GIP: variants seen among roughly 807,000 people sequenced by gnomAD.
GIP encodes gastric inhibitory polypeptide.
In GIP, 16 loss-of-function variants were observed where a neutral mutation model predicts 18.1. That is an observed-to-expected ratio of 0.88 (90% confidence interval 0.60 to 1.34). GIP has a LOEUF of 1.34. GIP is among the 40% of genes most tolerant of loss of function. The probability of loss-of-function intolerance (pLI) is 0.00; values close to 1 mark genes in which losing one functional copy is unlikely to be tolerated. For missense variants in GIP, 192 were observed against 183.4 expected (o/e 1.05, Z -0.27); for synonymous variants, 76 against 74.0 (o/e 1.03, Z -0.14).
At chr17:48,962,223 C>T (rs2041204291) in intron 3 of GIP, among the ~76,000 whole-genome samples, 1 of 152,102 alleles carries the variant, frequency 6.6e-6, no homozygotes, top group Non-Finnish European at 1.5e-5. Flanking sequence ...GCAGGCATCA[C>T]CACACCCAGC....
chr17:48,961,792 C>CTCCCACATCA lies in GIP; in HGVS notation c.284_285insTGATGTGGGA (p.Glu95AspfsTer15), dbSNP rs1352444013. On this transcript the variant is annotated frameshift_variant, in exon 4 of 6. Coordinates refer to ENST00000357424, the MANE Select transcript of GIP (RefSeq NM_004123.3). LOFTEE classifies it high-confidence loss of function. ...GACTGGCCAGCTCCAGCGCCCGAGC[C>CTCCCACATCA]TCCCTCTGGGTGATGTTGTGTTTCC... 1.2e-6 allele frequency: 2 copies of CTCCCACATCA among 1,613,070 alleles called. No homozygotes were observed.
rs760192622 is a variant in GIP, at chr17:48,964,419, G to C, written c.148C>G (p.Pro50Ala). Residue 50 changes from proline (P) to alanine (A), a missense_variant, in exon 3 of 6, where the codon CCC becomes GCC. Physicochemically the swap from Pro to Ala is conservative, Grantham distance 27. Coordinates refer to ENST00000357424, the MANE Select transcript of GIP (RefSeq NM_004123.3). Reference sequence around the variant, plus strand: ...ATGAAAGTCCCTTCCGCGTACCTGGGGCCTCGAGGTTGAGGGCTGCTCACC... The same window carrying C: ...ATGAAAGTCCCTTCCGCGTACCTGGCGCCTCGAGGTTGAGGGCTGCTCACC... ...AKVSSPQPRGPRYAEGTFISD... is the reference protein window; with the variant it reads ...AKVSSPQPRGARYAEGTFISD... 2.4e-5 allele frequency: 39 copies of C among 1,613,844 alleles called. No homozygotes were observed. The highest frequency in any genetic ancestry group is 3.1e-5 in the Non-Finnish European group (36 of 1,179,898).
At chr17:48,961,089 G>T in intron 4 of GIP, 102 bp from the exon 5 acceptor site, 1 of 692,460 alleles carries the variant, frequency 1.4e-6, no homozygotes, top group Non-Finnish European at 2.4e-6. Flanking sequence ...CGCGGATGGG[G>T]GGAGGGAGCC....
intron 3 of GIP, among the ~76,000 whole-genome samples, chr17:48,962,948 T>G (rs1283069829): frequency 4.7e-5 from 7 of 149,830 alleles, no homozygotes; most frequent in Non-Finnish European, 1.0e-4. Flanking sequence ...ACTAAAAAAA[T>G]GCAAAAAAAT....
intron 1 of GIP, 100 bp from the exon 2 acceptor site, chr17:48,967,353 C>A: frequency 1.5e-6 from 1 of 663,542 alleles, no homozygotes; most frequent in Non-Finnish European, 2.5e-6. Flanking sequence ...CTTTCTTTTC[C>A]TTTTTCTTTT....
At chr17:48,959,117 G>A (rs1005939495) in intron 5 of GIP, among the ~76,000 whole-genome samples, 1 of 151,956 alleles carries the variant, frequency 6.6e-6, no homozygotes, top group African/African-American at 2.4e-5. Flanking sequence ...GCCTCCCAAA[G>A]TCCTGGGATT....
At chr17:48,967,359 CTTT>C (rs369779985) in intron 1 of GIP, 106 bp from the exon 2 acceptor site, 1,829 of 499,740 alleles carry the variant, frequency 3.7e-3, no homozygotes, top group East Asian at 6.1e-3. Flanking sequence ...TTTCCTTTTT[CTTT>C]TTTTTTTTTT....
rs9909375 is a variant in GIP at position 48,960,392 on chromosome 17, T to G, written c.452+494A>C. The stretch of plus-strand genomic sequence containing the variant: ...GCGGGACACAGGATGGGCTCAGCTC[T>G]GTGTGTAGGGACAGGCAGGCCACAG... On this transcript the variant is annotated intron_variant, in intron 5 of 5. Transcript: ENST00000357424. Among the ~76,000 whole-genome samples, 78 of 29,058 alleles carry G rather than the reference T, an allele frequency of 2.7e-3. 2 individuals are homozygous for G. The highest frequency in any genetic ancestry group is 4.5e-3 in the South Asian group (2 of 448). The allele number at this position is 29,058 out of a possible 152,430, so 19.1% of individuals were successfully genotyped here. A position where few individuals can be genotyped will look rare whatever the true frequency, so the allele number is the denominator to read the frequency against.
At position 48,967,166 on chromosome 17, in the gene GIP, T is replaced by C; in HGVS notation, c.67A>G (p.Lys23Glu). 2 of 1,613,262 alleles carry C rather than the reference T, an allele frequency of 1.2e-6. No homozygotes were observed. The highest frequency in any genetic ancestry group is 1.1e-5 in the South Asian group (1 of 91,042). The change falls in exon 2 of 6, where the codon AAG becomes GAG. Residue 23 changes from lysine to glutamate, a missense_variant. Coordinates refer to ENST00000357424, the MANE Select transcript of GIP (RefSeq NM_004123.3). ...TCCTACCTGAAGTGACCCTCTTTCT[T>C]CTCTCCTAGTCCCACTGCCAGGAAC... ...SLFLAVGLGE[K>E]KEGHFSALPS...
Position 48,958,604 on chromosome 17 carries a change from C to A in GIP, c.*103G>T. The A allele has an allele frequency of 1.1e-6, 1 of 911,462 alleles. No individual in the cohort carries two copies. Among genetic ancestry groups the A allele is most frequent in the Non-Finnish European group, 1.8e-6 (1 of 569,286 alleles). The allele number at this position is 911,462 out of a possible 1,614,324, so 56.5% of individuals were successfully genotyped here. A position where few individuals can be genotyped will look rare whatever the true frequency, so the allele number is the denominator to read the frequency against. ...AATTTTCACAATGGGCTCGACTTAG[C>A]ATAAACTTTATTGGTTTGGGTTCTC... On this transcript the variant is annotated 3_prime_UTR_variant, in exon 6 of 6. Coordinates refer to ENST00000357424, the MANE Select transcript of GIP (RefSeq NM_004123.3).
intron 4 of GIP, among the ~76,000 whole-genome samples, chr17:48,961,193 C>T (rs1338072761): frequency 3.9e-5 from 6 of 152,168 alleles, no homozygotes; most frequent in Non-Finnish European, 4.4e-5. Flanking sequence ...AATATGGACT[C>T]TTCATACAGG....
chr17:48,967,454 G>A lies in GIP; in HGVS notation c.-21-201C>T, dbSNP rs2041241401. On this transcript the variant is annotated intron_variant, in intron 1 of 5. Transcript: ENST00000357424. ...GGCTCACTGCAACCTCCACCTCCTGGGTTCAAGCCATTCTTCTGCCTCAGC... is the reference window on the plus strand; with the variant it reads ...GGCTCACTGCAACCTCCACCTCCTGAGTTCAAGCCATTCTTCTGCCTCAGC... Among the ~76,000 whole-genome samples, 4 of 150,920 alleles carry A rather than the reference G, an allele frequency of 2.7e-5. No individual in the cohort carries two copies. The South Asian group carries it at 8.4e-4, about 32-fold the overall frequency.
intron 5 of GIP, among the ~76,000 whole-genome samples, chr17:48,960,661 T>C (rs7223203): frequency 1.3e-3 from 204 of 152,280 alleles, no homozygotes; most frequent in African/African-American, 4.7e-3. Flanking sequence ...ACTTGAATTG[T>C]CTTTTTTTTC....
chr17:48,965,304 T>A (rs1295738127), intron 2 of GIP, among the ~76,000 whole-genome samples: 69 of 111,094 alleles, frequency 6.2e-4, no homozygotes, highest in African/African-American at 2.0e-3. Context: ...TTCGTCTCAA[T>A]AAAAAAAAAA....
intron 2 of GIP, among the ~76,000 whole-genome samples, chr17:48,965,846 A>T (rs1043753582): frequency 4.6e-5 from 7 of 152,122 alleles, no homozygotes; most frequent in African/African-American, 1.7e-4. Context: ...CCATTTTGTG[A>T]ATGGAGAAAC....
chr17:48,961,088 G>T lies in GIP; in HGVS notation c.351-101C>A, dbSNP rs376041587. 8.6e-6 allele frequency: 6 copies of T among 697,732 alleles called. 1 individual carries two copies. The Admixed American group carries it at 9.0e-5, about 10-fold the overall frequency. 43.2% of individuals were successfully genotyped at this position (697,732 alleles called of 1,614,324 possible). On this transcript the variant is annotated intron_variant, in intron 4 of 5. Coordinates refer to ENST00000357424, the MANE Select transcript of GIP (RefSeq NM_004123.3). ...ACCACTGAGGGGCAGCCGCGGATGGGGGGAGGGAGCCGACACAGCTATCTC... is the reference window on the plus strand; with the variant it reads ...ACCACTGAGGGGCAGCCGCGGATGGTGGGAGGGAGCCGACACAGCTATCTC...
chr17:48,963,494 GAA>G (rs34922855), intron 3 of GIP, among the ~76,000 whole-genome samples: 8 of 129,518 alleles, frequency 6.2e-5, no homozygotes, highest in East Asian at 4.5e-4. Context: ...TGTCTCTACT[GAA>G]AAAAAAAAAA....
chr17:48,963,876 C>T (rs1286690422), intron 3 of GIP, among the ~76,000 whole-genome samples: 1 of 120,664 alleles, frequency 8.3e-6, no homozygotes, highest in Non-Finnish European at 1.6e-5. Context: ...GAGAGAGAGG[C>T]GGGGTATGGT....
chr17:48,962,422 G>A (rs2041205425), intron 3 of GIP, among the ~76,000 whole-genome samples: 1 of 151,842 alleles, frequency 6.6e-6, no homozygotes. Flanking sequence ...AGGCTGGGGT[G>A]CAGTGGTGCA....
Sources: allele counts gnomAD v4.1 joint callset (sites outside exome capture counted in the v4.1 genomes callset), GRCh38; gene constraint gnomAD v4.1.1; transcripts MANE v1.5; gene names NCBI Gene and HGNC (gene_info 2026-07-23, HGNC 2026-07-21).